AKT3: variants seen among roughly 807,000 people sequenced by gnomAD.
AKT3 encodes AKT serine/threonine kinase 3.
AKT3 carries 15 observed loss-of-function variants against 65.3 expected under a neutral mutation model. That is an observed-to-expected ratio of 0.23 (90% CI 0.15 to 0.35). The LOEUF (loss-of-function observed/expected upper bound fraction) is 0.35. Among genes scored for constraint, AKT3 ranks in the 10% least tolerant of loss-of-function variants. The probability of loss-of-function intolerance (pLI) is 1.00; values close to 1 mark genes in which losing one functional copy is unlikely to be tolerated. For missense variants in AKT3, 243 were observed against 576.5 expected, an observed-to-expected ratio of 0.42 and a Z score of 5.92; for synonymous variants, 206 against 183.8, an observed-to-expected ratio of 1.12 and a Z score of -0.98.
chr1:243,730,998 C>T (rs1387940578), intron 2 of AKT3, among the ~76,000 whole-genome samples: 1 of 152,096 alleles, frequency 6.6e-6, no homozygotes, highest in Non-Finnish European at 1.5e-5. Flanking sequence ...GCGTGGGATC[C>T]GGGTTGGGCG....
intron 2 of AKT3, among the ~76,000 whole-genome samples, chr1:243,764,674 A>C (rs1211675758): frequency 2.0e-5 from 3 of 152,126 alleles, no homozygotes. Flanking sequence ...GAATGGTAAT[A>C]AAATAAATAA....
chr1:243,593,951 A>G lies in AKT3; in HGVS notation c.696+19720T>C, dbSNP rs1676420742. Among the ~76,000 whole-genome samples the G allele has an allele frequency of 3.3e-5, 5 of 151,418 alleles. No homozygotes were observed. The South Asian group carries it at 1.0e-3, about 31-fold the overall frequency. ...CAGGCAGTGAAAGATGCATAGACAG[A>G]TAGACAATTAAACAGACAAATATAT... On this transcript the variant is annotated intron_variant, in intron 8 of 13. Coordinates refer to ENST00000673466, the MANE Select transcript of AKT3 (RefSeq NM_005465.7).
chr1:243,602,723 T>G (rs1191454146), intron 8 of AKT3, among the ~76,000 whole-genome samples: 1 of 152,148 alleles, frequency 6.6e-6, no homozygotes, highest in Non-Finnish European at 1.5e-5. Flanking sequence ...GAAATTAATA[T>G]AGAGTTTACA....
chr1:243,842,116 C>CTGA (rs1389846230), intron 2 of AKT3, among the ~76,000 whole-genome samples: 1 of 152,066 alleles, frequency 6.6e-6, no homozygotes, highest in Non-Finnish European at 1.5e-5. Context: ...TGGCAAAACT[C>CTGA]ATCAAATTAT....
intron 2 of AKT3, among the ~76,000 whole-genome samples, chr1:243,742,487 T>C (rs888283844): frequency 6.6e-6 from 1 of 152,066 alleles, no homozygotes; most frequent in Non-Finnish European, 1.5e-5. Context: ...TAGCCGGGCA[T>C]GGTGCTGGGT....
chr1:243,763,981 G>C (rs894203570), intron 2 of AKT3, among the ~76,000 whole-genome samples: 2 of 152,034 alleles, frequency 1.3e-5, no homozygotes, highest in African/African-American at 4.8e-5. Flanking sequence ...ACACCCTCCA[G>C]TGGCTGGCTC....
intron 8 of AKT3, among the ~76,000 whole-genome samples, chr1:243,592,002 G>C (rs1676261804): frequency 6.6e-6 from 1 of 152,090 alleles, no homozygotes. Flanking sequence ...TTTCCAAATT[G>C]AATGAAAACT....
At chr1:243,613,984 T>G (rs1486088121) in intron 7 of AKT3, among the ~76,000 whole-genome samples, 4 of 152,208 alleles carry the variant, frequency 2.6e-5, no homozygotes, top group Non-Finnish European at 5.9e-5. Flanking sequence ...AAAGTAAACT[T>G]AATTGCAACA....
At chr1:243,624,366 C>T (rs953772487) in intron 6 of AKT3, among the ~76,000 whole-genome samples, 3 of 152,148 alleles carry the variant, frequency 2.0e-5, no homozygotes, top group Non-Finnish European at 4.4e-5. Context: ...CCACTGGTAA[C>T]GTGTACTTTT....
At chr1:243,770,734 GAAA>G (rs5782267) in intron 2 of AKT3, among the ~76,000 whole-genome samples, 1 of 139,052 alleles carries the variant, frequency 7.2e-6, no homozygotes, top group Admixed American at 7.1e-5. Flanking sequence ...ATTCTAAATA[GAAA>G]AAAAAAAAAA....
intron 3 of AKT3, among the ~76,000 whole-genome samples, chr1:243,690,954 A>G (rs187532123): frequency 1.3e-5 from 2 of 152,318 alleles, no homozygotes; most frequent in Admixed American, 1.3e-4. Context: ...ATATAAGATA[A>G]ATAAGACTAA....
At chr1:243,838,525 GAAGAA>G (rs1217464032) in intron 2 of AKT3, among the ~76,000 whole-genome samples, 1 of 151,932 alleles carries the variant, frequency 6.6e-6, no homozygotes, top group African/African-American at 2.4e-5. Context: ...AAATAAAGGA[GAAGAA>G]AAGACCCCTG....
intron 2 of AKT3, among the ~76,000 whole-genome samples, chr1:243,769,568 A>G (rs1690045701): frequency 1.3e-5 from 2 of 152,242 alleles, no homozygotes; most frequent in African/African-American, 2.4e-5. Context: ...CTTTTCATGT[A>G]TTATTGGCCA....
intron 13 of AKT3, among the ~76,000 whole-genome samples, chr1:243,491,666 TGTGA>T (rs1032682837): frequency 6.6e-6 from 1 of 152,168 alleles, no homozygotes; most frequent in Non-Finnish European, 1.5e-5. Context: ...CAGCTTGAGT[TGTGA>T]GTTAGGCTTC....
At chr1:243,589,554 A>G (rs1187782001) in intron 8 of AKT3, among the ~76,000 whole-genome samples, 1 of 152,136 alleles carries the variant, frequency 6.6e-6, no homozygotes, top group African/African-American at 2.4e-5. Flanking sequence ...GAGGATGTGG[A>G]GAAAAGGGAA....
At chr1:243,546,507 G>T (rs971131412) in intron 11 of AKT3, 4 of 152,172 alleles carry the variant, frequency 2.6e-5, no homozygotes, top group African/African-American at 9.6e-5. Context: ...GGCTTTATTT[G>T]GACTTGTTCA....
chr1:243,707,424 G>A (rs764149055), intron 2 of AKT3, among the ~76,000 whole-genome samples: 5 of 151,994 alleles, frequency 3.3e-5, no homozygotes, highest in East Asian at 1.9e-4. Flanking sequence ...GAAATCTCTA[G>A]TGAAAGACTG....
intron 2 of AKT3, among the ~76,000 whole-genome samples, chr1:243,754,520 G>GC (rs1207610723): frequency 6.6e-6 from 1 of 152,144 alleles, no homozygotes; most frequent in Non-Finnish European, 1.5e-5. Context: ...CCACCCCTGG[G>GC]CCGCGGATGG....
chr1:243,553,352 A>C (rs2291410), intron 10 of AKT3, among the ~76,000 whole-genome samples: 111,325 of 152,100 alleles, frequency 0.73, 41,906 homozygotes, highest in Non-Finnish European at 0.82. Context: ...GAGCACATAA[A>C]GTGCACTGTA....
Sources: allele counts gnomAD v4.1 joint callset (sites outside exome capture counted in the v4.1 genomes callset), GRCh38; gene constraint gnomAD v4.1.1; transcripts MANE v1.5; gene names NCBI Gene and HGNC (gene_info 2026-07-23, HGNC 2026-07-21).